The following VAMP7 variants were observed in gnomAD, a reference collection of about 807,000 sequenced individuals.
VAMP7 encodes vesicle associated membrane protein 7, also known as vesicle-associated membrane protein 7.
VAMP7 carries 14 observed loss-of-function variants against 29.6 expected under a neutral mutation model. That is an observed-to-expected ratio of 0.47 (90% CI 0.31 to 0.74). VAMP7 has a LOEUF of 0.74. Among genes scored for constraint, VAMP7 ranks in the 30% least tolerant of loss-of-function variants. VAMP7 has a pLI of 0.05. For synonymous variants in VAMP7, 95 were observed against 88.1 expected (o/e 1.08, Z -0.44); for missense variants, 223 against 262.4 (o/e 0.85, Z 1.04).
chrX:155,916,700 T>A (rs1220759579), intron 5 of VAMP7, among the ~76,000 whole-genome samples: 1 of 152,196 alleles, frequency 6.6e-6, no homozygotes, highest in Non-Finnish European at 1.5e-5. Flanking sequence ...CTCTTCTGGC[T>A]TGTAGGGTTT....
At chrX:155,904,836 T>A (rs2066125076) in intron 5 of VAMP7, among the ~76,000 whole-genome samples, 1 of 150,940 alleles carries the variant, frequency 6.6e-6, no homozygotes, top group African/African-American at 2.4e-5. Flanking sequence ...CATGGTCTGG[T>A]TATTATAAAT....
At chrX:155,900,031 G>C (rs1477191747) in intron 4 of VAMP7, among the ~76,000 whole-genome samples, 1 of 151,984 alleles carries the variant, frequency 6.6e-6, no homozygotes, top group Admixed American at 6.6e-5. Context: ...TAGTTTATAT[G>C]CTGTGATCCT....
chrX:155,934,630 C>T (rs959461820), intron 6 of VAMP7, among the ~76,000 whole-genome samples: 2 of 152,140 alleles, frequency 1.3e-5, no homozygotes, highest in African/African-American at 4.8e-5. Flanking sequence ...ATACAGCACA[C>T]TGATGGGTCT....
chrX:155,887,598 G>T (rs990398248), intron 1 of VAMP7, among the ~76,000 whole-genome samples: 5 of 152,084 alleles, frequency 3.3e-5, no homozygotes, highest in African/African-American at 1.2e-4. Context: ...TTGAAAGGAG[G>T]CAGAGGAGCA....
intron 7 of VAMP7, 55 bp from the exon 8 acceptor site, chrX:155,941,827 AT>A: frequency 6.4e-7 from 1 of 1,559,040 alleles, no homozygotes; most frequent in Non-Finnish European, 8.7e-7. Context: ...TATATATATT[AT>A]TTAGAATAAT....
chrX:155,919,902 A>C, intron 6 of VAMP7, 22 bp downstream of exon 6: 5 of 1,566,020 alleles, frequency 3.2e-6, no homozygotes, highest in Middle Eastern at 3.4e-4. Flanking sequence ...ATCTGATAAT[A>C]TGGAGTCTGA....
intron 2 of VAMP7, among the ~76,000 whole-genome samples, chrX:155,890,724 A>G (rs2065916818): frequency 6.6e-6 from 1 of 152,114 alleles, no homozygotes; most frequent in African/African-American, 2.4e-5. Flanking sequence ...CATAGTTGGG[A>G]AATCTTAGTA....
intron 4 of VAMP7, 59 bp from the exon 5 acceptor site, chrX:155,900,438 T>G: frequency 7.5e-7 from 1 of 1,332,482 alleles, no homozygotes; most frequent in Non-Finnish European, 1.0e-6. Context: ...CCCCTTATTT[T>G]TGTTTTCCTA....
chrX:155,935,711 A>G (rs999460849), intron 6 of VAMP7, among the ~76,000 whole-genome samples: 1 of 152,144 alleles, frequency 6.6e-6, no homozygotes, highest in African/African-American at 2.4e-5. Flanking sequence ...CGTCAAAGTC[A>G]TTCTCTGTCT....
chrX:155,882,357 A>G (rs993918984), intron 1 of VAMP7, among the ~76,000 whole-genome samples: 30 of 152,206 alleles, frequency 2.0e-4, no homozygotes, highest in Admixed American at 1.8e-3. Flanking sequence ...GGATTATGTT[A>G]TATATTGGTT....
chrX:155,929,504 G>C (rs1016650251), intron 6 of VAMP7, among the ~76,000 whole-genome samples: 1 of 151,958 alleles, frequency 6.6e-6, no homozygotes, highest in African/African-American at 2.4e-5. Context: ...ATGTCTTCTG[G>C]GCCTGATAAA....
Position 155,942,423 on chromosome X carries a change from T to A in VAMP7, c.*472T>A. The A allele has an allele frequency of 5.0e-6, 2 of 403,934 alleles. No homozygotes were observed. The highest frequency in any genetic ancestry group is 8.8e-6 in the Non-Finnish European group (2 of 226,510). 25.0% of individuals were successfully genotyped at this position (403,934 alleles called of 1,614,324 possible). A position where few individuals can be genotyped will look rare whatever the true frequency, so the allele number is the denominator to read the frequency against. On this transcript the variant is annotated 3_prime_UTR_variant, in exon 8 of 8. Coordinates refer to ENST00000286448, the MANE Select transcript of VAMP7 (RefSeq NM_005638.6). ...CAATATAAATGGATAATAGTTGTTA[T>A]TTGGGGAATTGTAATGATGTTGGTG...
chrX:155,911,566 A>G (rs1053560587), intron 5 of VAMP7, among the ~76,000 whole-genome samples: 10 of 152,074 alleles, frequency 6.6e-5, no homozygotes, highest in African/African-American at 2.4e-4. Flanking sequence ...AATAATATAC[A>G]TTCTTATGAT....
chrX:155,902,395 C>T (rs2066076750), intron 5 of VAMP7, among the ~76,000 whole-genome samples: 1 of 150,342 alleles, frequency 6.7e-6, no homozygotes, highest in African/African-American at 2.5e-5. Context: ...GCCAGAACTT[C>T]CAACACTATG....
intron 6 of VAMP7, among the ~76,000 whole-genome samples, chrX:155,929,980 T>G (rs193120573): frequency 2.4e-3 from 372 of 152,288 alleles, no homozygotes; most frequent in African/African-American, 8.4e-3. Flanking sequence ...ACAGGCAAAT[T>G]ATACATAGTA....
chrX:155,898,894 T>TA (rs2066022959), intron 4 of VAMP7, among the ~76,000 whole-genome samples: 2 of 152,136 alleles, frequency 1.3e-5, no homozygotes, highest in African/African-American at 4.8e-5. Context: ...AATGGAATCA[T>TA]ACAGTATGTA....
chrX:155,904,905 AT>A (rs1182251407), intron 5 of VAMP7, among the ~76,000 whole-genome samples: 1 of 84,530 alleles, frequency 1.2e-5, no homozygotes, highest in African/African-American at 5.9e-5. Context: ...TATATTATAT[AT>A]TATATATATA....
At chrX:155,897,016 T>C (rs1465300340) in intron 3 of VAMP7, among the ~76,000 whole-genome samples, 2 of 151,964 alleles carry the variant, frequency 1.3e-5, no homozygotes, top group East Asian at 3.9e-4. Context: ...TATGCTTCTT[T>C]ATGAACTCAT....
intron 5 of VAMP7, among the ~76,000 whole-genome samples, chrX:155,907,687 A>G (rs1177993047): frequency 2.6e-5 from 4 of 152,096 alleles, no homozygotes; most frequent in African/African-American, 7.2e-5. Context: ...CTTCACAGAC[A>G]CAGCAACCAT....
Sources: allele counts gnomAD v4.1 joint callset (sites outside exome capture counted in the v4.1 genomes callset), GRCh38; gene constraint gnomAD v4.1.1; transcripts MANE v1.5; gene names NCBI Gene and HGNC (gene_info 2026-07-23, HGNC 2026-07-21).